The following PSD3 variants were observed in gnomAD, a reference collection of about 807,000 sequenced individuals.
PSD3 encodes PH and SEC7 domain-containing protein 3.
PSD3 carries 49 observed loss-of-function variants against 105.5 expected under a neutral mutation model. That is an observed-to-expected ratio of 0.46 (90% CI 0.37 to 0.59). PSD3 has a LOEUF of 0.59. Ranked by LOEUF, PSD3 falls within the 20% of genes least tolerant of loss-of-function variation. PSD3 has a pLI of 0.00. For synonymous variants in PSD3, 557 were observed against 457.8 expected (o/e 1.22, Z -2.77); for missense variants, 1,561 against 1,263.8 (o/e 1.24, Z -3.57).
chr8:18,636,237 G>C (rs923255899), intron 10 of PSD3, among the ~76,000 whole-genome samples: 3 of 151,830 alleles, frequency 2.0e-5, no homozygotes, highest in South Asian at 2.1e-4. Context: ...AAACTCTTAG[G>C]CTATAAAGTC....
intron 1 of PSD3, among the ~76,000 whole-genome samples, chr8:18,967,770 T>C (rs533011818): frequency 2.0e-5 from 3 of 152,246 alleles, no homozygotes; most frequent in Non-Finnish European, 4.4e-5. Flanking sequence ...CATGATAAAG[T>C]TGGTAACCAG....
chr8:18,956,974 C>T (rs531993606), intron 1 of PSD3, among the ~76,000 whole-genome samples: 1 of 152,140 alleles, frequency 6.6e-6, no homozygotes, highest in South Asian at 2.1e-4. Context: ...AGTTACATGC[C>T]CCCATCACTT....
At chr8:18,560,446 T>C (rs557659953) in intron 14 of PSD3, among the ~76,000 whole-genome samples, 3 of 152,094 alleles carry the variant, frequency 2.0e-5, no homozygotes, top group Non-Finnish European at 2.9e-5. Context: ...ACTAGCAAAA[T>C]AGATTTCAGA....
Position 19,041,471 on chromosome 8 carries a change from A to T in PSD3, c.324+42735T>A, listed in dbSNP as rs1828121813. On this transcript the variant is annotated intron_variant, in intron 1 of 1. Coordinates refer to the PSD3 transcript ENST00000521475. ...GAGAGAATGTGTATGAAAACCACAAAGCTATAAAGTTCTATGGACATCCAA... is the reference window on the plus strand; with the variant it reads ...GAGAGAATGTGTATGAAAACCACAATGCTATAAAGTTCTATGGACATCCAA... Among the ~76,000 whole-genome samples the T allele has an allele frequency of 2.0e-5, 3 of 152,242 alleles. No homozygotes were observed. The South Asian group carries it at 6.2e-4, about 31-fold the overall frequency.
At position 18,849,092 on chromosome 8, in the gene PSD3, C is replaced by T. The variant is rs144525455; in HGVS notation, c.1634+18582G>A. 1.8e-3 allele frequency among the ~76,000 whole-genome samples: 272 copies of T among 152,236 alleles called. 6 individuals carry two copies. Among genetic ancestry groups the T allele is most frequent in the Admixed American group, 0.014 (219 of 15,294 alleles). ...TTGGCCATATCGCTGCCTCCAGTCC[C>T]GAAGCAGCATTTATACACCTGGCAA... On this transcript the variant is annotated intron_variant, in intron 4 of 15. Transcript: ENST00000327040.
intron 9 of PSD3, among the ~76,000 whole-genome samples, chr8:18,730,759 G>C (rs1311842419): frequency 6.6e-6 from 1 of 152,136 alleles, no homozygotes; most frequent in Non-Finnish European, 1.5e-5. Context: ...GGGAAGCCTT[G>C]TCTTAGAGTT....
Position 19,013,592 on chromosome 8 carries a change from G to A in PSD3, c.-9C>T, listed in dbSNP as rs1223907186. ...GCGCTCCTTCCTTCCATCTTCCATC[G>A]CCAGCCCGGCCGCGCGCCGAAACCG... On this transcript the variant is annotated 5_prime_UTR_variant, in exon 1 of 16. Transcript: ENST00000327040. 2.0e-6 allele frequency: 3 copies of A among 1,485,990 alleles called. No homozygotes were observed. The highest frequency in any genetic ancestry group is 2.7e-6 in the Non-Finnish European group (3 of 1,125,222). The allele number at this position is 1,485,990 out of a possible 1,614,324, so 92.1% of individuals were successfully genotyped here. A position where few individuals can be genotyped will look rare whatever the true frequency, so the allele number is the denominator to read the frequency against.
chr8:19,052,239 C>T (rs976651224), intron 1 of PSD3, among the ~76,000 whole-genome samples: 9 of 152,008 alleles, frequency 5.9e-5, no homozygotes, highest in Admixed American at 2.6e-4. Context: ...TTTGGGAGGC[C>T]GGGGTGGGCG....
At chr8:19,003,567 G>C (rs1826510940) in intron 1 of PSD3, among the ~76,000 whole-genome samples, 1 of 151,928 alleles carries the variant, frequency 6.6e-6, no homozygotes, top group Non-Finnish European at 1.5e-5. Context: ...ATGGAGATCT[G>C]TGTGACTATG....
chr8:18,997,967 G>C (rs1268616857), intron 1 of PSD3, among the ~76,000 whole-genome samples: 2 of 151,876 alleles, frequency 1.3e-5, no homozygotes, highest in African/African-American at 4.8e-5. Context: ...GTCTTACCTT[G>C]TAAGAACAAG....
rs896715394 is a variant in PSD3, at chr8:18,532,890, A to G, written c.*2853T>C. ...TCTGATAGCTGTCAAGATTTTCTGT[A>G]CTAGAAATTAATATGAAGTGTATTG... On this transcript the variant is annotated 3_prime_UTR_variant, in exon 16 of 16. Coordinates refer to ENST00000327040, the MANE Select transcript of PSD3 (RefSeq NM_015310.4). 3 of 152,182 alleles carry G rather than the reference A, an allele frequency of 2.0e-5. No individual in the cohort carries two copies. Among genetic ancestry groups the G allele is most frequent in the South Asian group, 2.1e-4 (1 of 4,830 alleles). 9.4% of individuals were successfully genotyped at this position (152,182 alleles called of 1,614,324 possible). A position where few individuals can be genotyped will look rare whatever the true frequency, so the allele number is the denominator to read the frequency against.
intron 9 of PSD3, among the ~76,000 whole-genome samples, chr8:18,664,288 T>C (rs1809559038): frequency 6.6e-6 from 1 of 152,144 alleles, no homozygotes; most frequent in Admixed American, 6.5e-5. Flanking sequence ...TTGAAGAAAA[T>C]TAAAAGTGTT....
chr8:18,582,247 C>G (rs1802868476), intron 12 of PSD3, among the ~76,000 whole-genome samples: 1 of 152,174 alleles, frequency 6.6e-6, no homozygotes, highest in Admixed American at 6.5e-5. Flanking sequence ...ACTCTCCAAT[C>G]TGCCTTCCAC....
In PSD3 at chr8:18,705,485, C is replaced by T. The variant is rs777029230; in HGVS notation, c.2173-49800G>A. ...GGCAGAGGTTACAGTGAGCTGAGAC[C>T]GTGCCACTATACTTCAGCCTAGGTG... is the stretch of plus-strand genomic sequence containing the variant. On this transcript the variant is annotated intron_variant, in intron 9 of 15. Transcript: ENST00000327040. 5.1e-5 allele frequency among the ~76,000 whole-genome samples: 7 copies of T among 137,966 alleles called. 1 individual carries two copies. Among genetic ancestry groups the T allele is most frequent in the South Asian group, 4.5e-4 (2 of 4,406 alleles). The allele number at this position is 137,966 out of a possible 152,430, so 90.5% of individuals were successfully genotyped here.
intron 9 of PSD3, among the ~76,000 whole-genome samples, chr8:18,707,266 T>A (rs534619376): frequency 6.6e-6 from 1 of 152,304 alleles, no homozygotes; most frequent in South Asian, 2.1e-4. Flanking sequence ...ACTACCCCTT[T>A]ATACTGCTCT....
At chr8:19,040,367 G>A (rs1263207490) in intron 1 of PSD3, among the ~76,000 whole-genome samples, 1 of 151,968 alleles carries the variant, frequency 6.6e-6, no homozygotes, top group Non-Finnish European at 1.5e-5. Context: ...ACCACCCCTG[G>A]CTAATTTTTG....
rs1392645123 is a variant in PSD3, at chr8:18,575,435, T to C, written c.2482-150A>G. On this transcript the variant is annotated intron_variant, in intron 12 of 15. Transcript: ENST00000327040. ...CAAACGGTGAGTAAAAACAACCTTA[T>C]AAATGTTACAGAACATTATGTTGTT... 4 of 704,742 alleles carry C rather than the reference T, an allele frequency of 5.7e-6. No homozygotes were observed. In the Admixed American group the frequency reaches 1.1e-4, roughly 19 times the overall value. The allele number at this position is 704,742 out of a possible 1,614,324, so 43.7% of individuals were successfully genotyped here.
chr8:19,057,793 T>C (rs1480893025), intron 1 of PSD3, among the ~76,000 whole-genome samples: 7 of 152,168 alleles, frequency 4.6e-5, no homozygotes, highest in Non-Finnish European at 8.8e-5. Context: ...AAATATCAAA[T>C]ACTGGCAAGG....
At chr8:18,655,307 C>T (rs9657491) in intron 10 of PSD3, among the ~76,000 whole-genome samples, 6 of 139,958 alleles carry the variant, frequency 4.3e-5, no homozygotes, top group Non-Finnish European at 6.1e-5. Flanking sequence ...CCAGCCTGGG[C>T]GACAAAGCCA....
Sources: gnomAD v4.1 joint callset for allele counts (sites outside exome capture counted in the v4.1 genomes callset) on GRCh38, gnomAD v4.1.1 for gene constraint, MANE v1.5 for transcripts, NCBI Gene and HGNC (gene_info 2026-07-23, HGNC 2026-07-21) for gene names.